The following ABTB3 variants were observed in gnomAD, a reference collection of about 807,000 sequenced individuals.
The protein encoded by ABTB3 is ankyrin repeat- and BTB/POZ domain-containing protein 3.
chr12:107,559,853 A>AT, the ABTB3 span, among the ~76,000 whole-genome samples: 55,940 of 149,304 alleles, frequency 0.37, 10,401 homozygotes, highest in African/African-American at 0.38. Flanking sequence ...TATGAATTCA[A>AT]TTTTTTTTTT....
the ABTB3 span, among the ~76,000 whole-genome samples, chr12:107,552,354 A>C: frequency 6.6e-6 from 1 of 152,236 alleles, no homozygotes; most frequent in Non-Finnish European, 1.5e-5. Flanking sequence ...ACACTTATTA[A>C]ATAAAATGTG....
the ABTB3 span, chr12:107,657,805 G>A: frequency 2.1e-6 from 3 of 1,447,366 alleles, no homozygotes; most frequent in South Asian, 1.2e-5. Flanking sequence ...ATTCCACCTG[G>A]CACCTGTTTT....
chr12:107,335,076 A>T, the ABTB3 span, among the ~76,000 whole-genome samples: 2 of 151,994 alleles, frequency 1.3e-5, no homozygotes, highest in African/African-American at 4.8e-5. Context: ...GCTTGAGGCC[A>T]GGAGTTCGAG....
At chr12:107,658,741 G>A in the ABTB3 span, 103 of 152,738 alleles carry the variant, frequency 6.7e-4, no homozygotes, top group African/African-American at 2.4e-3. Context: ...GATGCTGAAT[G>A]GGGGAGGGGG....
chr12:107,359,649 G>A, the ABTB3 span, among the ~76,000 whole-genome samples: 9,515 of 152,236 alleles, frequency 0.063, 329 homozygotes, highest in African/African-American at 0.084. Flanking sequence ...CAGTGCAGCC[G>A]TGAGTCACCA....
the ABTB3 span, among the ~76,000 whole-genome samples, chr12:107,388,196 T>C: frequency 6.6e-6 from 1 of 152,092 alleles, no homozygotes; most frequent in Non-Finnish European, 1.5e-5. Context: ...AGCCTCGAAC[T>C]CCTGATCTCA....
the ABTB3 span, chr12:107,581,334 G>A: frequency 7.7e-7 from 1 of 1,300,646 alleles, no homozygotes; most frequent in Non-Finnish European, 9.7e-7. Flanking sequence ...GGGGGCGGCA[G>A]GGGAGGGAGG....
At chr12:107,451,684 C>G in the ABTB3 span, among the ~76,000 whole-genome samples, 4 of 151,964 alleles carry the variant, frequency 2.6e-5, no homozygotes, top group Non-Finnish European at 5.9e-5. Flanking sequence ...TCCTTCCCCC[C>G]AGTTTTCCTG....
the ABTB3 span, among the ~76,000 whole-genome samples, chr12:107,372,952 T>G: frequency 2.0e-5 from 3 of 152,212 alleles, no homozygotes; most frequent in Non-Finnish European, 4.4e-5. Flanking sequence ...CATTGGCATT[T>G]TGGCCTAGAC....
At chr12:107,593,851 G>A in the ABTB3 span, among the ~76,000 whole-genome samples, 2 of 152,158 alleles carry the variant, frequency 1.3e-5, no homozygotes. Flanking sequence ...CTAGTGGGAA[G>A]AGAGAAAATA....
chr12:107,607,000 G>A, the ABTB3 span, among the ~76,000 whole-genome samples: 1 of 152,078 alleles, frequency 6.6e-6, no homozygotes, highest in Non-Finnish European at 1.5e-5. Flanking sequence ...GGGATCATTG[G>A]TCCCTTGGAT....
the ABTB3 span, among the ~76,000 whole-genome samples, chr12:107,396,369 A>G: frequency 2.0e-5 from 3 of 152,204 alleles, no homozygotes; most frequent in Admixed American, 6.5e-5. Context: ...GCTAGCCTTG[A>G]AAGCTCTGGC....
At chr12:107,327,319 C>T in the ABTB3 span, among the ~76,000 whole-genome samples, 1 of 152,112 alleles carries the variant, frequency 6.6e-6, no homozygotes, top group Admixed American at 6.5e-5. Flanking sequence ...TGGCAGCTAC[C>T]TTGAGGTCAT....
At chr12:107,485,267 A>C in the ABTB3 span, among the ~76,000 whole-genome samples, 1 of 152,254 alleles carries the variant, frequency 6.6e-6, no homozygotes, top group African/African-American at 2.4e-5. Flanking sequence ...GAGATTAAAA[A>C]AACTAATGGA....
chr12:107,628,625 T>C, the ABTB3 span, among the ~76,000 whole-genome samples: 1 of 152,186 alleles, frequency 6.6e-6, no homozygotes, highest in Non-Finnish European at 1.5e-5. Flanking sequence ...TTTTTTCTTT[T>C]CTTAAAATCT....
chr12:107,440,700 G>A, the ABTB3 span, among the ~76,000 whole-genome samples: 6 of 152,238 alleles, frequency 3.9e-5, no homozygotes, highest in South Asian at 2.1e-4. Context: ...GTGTCACATG[G>A]TAATTATTCT....
the ABTB3 span, among the ~76,000 whole-genome samples, chr12:107,489,522 A>AAAACAAACAAAC: frequency 6.6e-6 from 1 of 152,014 alleles, no homozygotes; most frequent in Non-Finnish European, 1.5e-5. Context: ...CCATCTCACA[A>AAAACAAACAAAC]AAACAAACAA....
At chr12:107,436,340 A>G in the ABTB3 span, among the ~76,000 whole-genome samples, 1 of 152,190 alleles carries the variant, frequency 6.6e-6, no homozygotes, top group Admixed American at 6.5e-5. Flanking sequence ...CAGGTGACAG[A>G]TGCCTAAGAG....
chr12:107,581,043 G>A, the ABTB3 span: 6 of 1,550,382 alleles, frequency 3.9e-6, no homozygotes, highest in Non-Finnish European at 5.2e-6. Context: ...GTGGGCTGGG[G>A]AGTCGGGAGA....
Sources: allele counts gnomAD v4.1 joint callset (sites outside exome capture counted in the v4.1 genomes callset), GRCh38; gene constraint gnomAD v4.1.1; transcripts MANE v1.5; gene names NCBI Gene and HGNC (gene_info 2026-07-23, HGNC 2026-07-21).